MAP7: variants seen among roughly 807,000 people sequenced by gnomAD.
MAP7 encodes the protein ensconsin.
A neutral mutation model predicts 94.8 loss-of-function variants in MAP7; 52 were observed. The ratio of observed to expected loss-of-function variants is 0.55; its 90% confidence interval spans 0.44 to 0.69. MAP7 has a LOEUF of 0.69. Among genes scored for constraint, MAP7 ranks in the 30% least tolerant of loss-of-function variants. The pLI, the probability that MAP7 is intolerant of heterozygous loss-of-function variation, is 0.00. For synonymous variants in MAP7, 350 were observed against 357.0 expected, an observed-to-expected ratio of 0.98 and a Z score of 0.22; for missense variants, 940 against 964.6, an observed-to-expected ratio of 0.97 and a Z score of 0.34.
At chr6:136,362,824 A>G (rs1793237511) in intron 10 of MAP7, 122 bp from the exon 11 acceptor site, 1 of 1,425,548 alleles carries the variant, frequency 7.0e-7, no homozygotes, top group South Asian at 1.5e-5. Flanking sequence ...GGGAATGTTT[A>G]TTACTGTGTG....
chr6:136,526,193 C>T, intron 1 of MAP7: 1 of 1,253,058 alleles, frequency 8.0e-7, no homozygotes, highest in Non-Finnish European at 1.0e-6. Context: ...TCCCCACCTC[C>T]CCTACCAGCC....
At chr6:136,422,356 T>C (rs1562382660) in intron 1 of MAP7, among the ~76,000 whole-genome samples, 1 of 152,168 alleles carries the variant, frequency 6.6e-6, no homozygotes, top group African/African-American at 2.4e-5. Context: ...TAAGCCCTGA[T>C]AAATGCTTTT....
chr6:136,424,281 T>G (rs1351486669), intron 1 of MAP7, among the ~76,000 whole-genome samples: 1 of 150,922 alleles, frequency 6.6e-6, no homozygotes, highest in African/African-American at 2.4e-5. Context: ...TTAAAATGAC[T>G]AGGTGACTTT....
At chr6:136,378,717 T>C (rs1776928141) in intron 6 of MAP7, among the ~76,000 whole-genome samples, 1 of 152,230 alleles carries the variant, frequency 6.6e-6, no homozygotes, top group African/African-American at 2.4e-5. Flanking sequence ...AGTCAGGACA[T>C]GTATGCCAAT....
intron 1 of MAP7, among the ~76,000 whole-genome samples, chr6:136,450,163 G>T (rs1224113604): frequency 6.6e-6 from 1 of 152,116 alleles, no homozygotes; most frequent in African/African-American, 2.4e-5. Flanking sequence ...CAGCCTGGGT[G>T]ACAAGAGCAA....
intron 1 of MAP7, among the ~76,000 whole-genome samples, chr6:136,497,499 C>G (rs1228811944): frequency 1.3e-5 from 2 of 150,434 alleles, no homozygotes; most frequent in Non-Finnish European, 2.9e-5. Context: ...CATTTTTCCT[C>G]TACCCCATGT....
intron 11 of MAP7, 145 bp from the exon 12 acceptor site, chr6:136,361,324 G>T (rs1403183690): frequency 5.0e-6 from 4 of 803,376 alleles, no homozygotes; most frequent in Non-Finnish European, 8.0e-6. Flanking sequence ...ACTGCTAAGG[G>T]ACAAAGCGCG....
chr6:136,360,847 C>A (rs1419104705), intron 12 of MAP7, 49 bp from the exon 13 acceptor site: 5 of 1,600,522 alleles, frequency 3.1e-6, no homozygotes, highest in South Asian at 1.1e-5. Flanking sequence ...GCGGGCTGCC[C>A]GGGTCTCCCA....
chr6:136,375,146 T>C lies in MAP7; in HGVS notation c.752-2521A>G, dbSNP rs114765209. ...CAGGTCAAGTAGTTGAAATGTAGCA[T>C]AGCAAAAAGAAAAATGGCATAATAT... On this transcript the variant is annotated intron_variant, in intron 7 of 17. Coordinates refer to ENST00000354570, the MANE Select transcript of MAP7 (RefSeq NM_003980.6). 5.8e-3 allele frequency among the ~76,000 whole-genome samples: 883 copies of C among 152,278 alleles called. 11 individuals carry two copies. Among genetic ancestry groups the C allele is most frequent in the African/African-American group, 0.019 (788 of 41,550 alleles).
At chr6:136,526,511 C>G in intron 1 of MAP7, 13 of 985,694 alleles carry the variant, frequency 1.3e-5, no homozygotes, top group Non-Finnish European at 1.6e-5. Flanking sequence ...CTAACATATC[C>G]TAATCAAGAA....
At chr6:136,371,323 C>G (rs3778296) in intron 8 of MAP7, among the ~76,000 whole-genome samples, 127,463 of 152,146 alleles carry the variant, frequency 0.84, 53,491 homozygotes, top group Admixed American at 0.88. Flanking sequence ...TTGGGGCCAA[C>G]CTGTTCTGTT....
intron 1 of MAP7, among the ~76,000 whole-genome samples, chr6:136,504,693 A>AT (rs1188157546): frequency 1.3e-5 from 2 of 151,298 alleles, no homozygotes; most frequent in African/African-American, 4.9e-5. Flanking sequence ...CTTTAAAAAA[A>AT]TTTTTTAGAC....
chr6:136,484,148 T>TC (rs1290964959), intron 1 of MAP7, among the ~76,000 whole-genome samples: 1 of 152,132 alleles, frequency 6.6e-6, no homozygotes, highest in African/African-American at 2.4e-5. Flanking sequence ...CTCAAGTGAG[T>TC]CCAGCATTCC....
chr6:136,544,540 C>A (rs2129061584), intron 1 of MAP7, among the ~76,000 whole-genome samples: 1 of 152,274 alleles, frequency 6.6e-6, no homozygotes, highest in South Asian at 2.1e-4. Context: ...CTGTGCTTTT[C>A]CATCTGTCTG....
In MAP7 at chr6:136,420,132, C is replaced by T. The variant is rs1207232941; in HGVS notation, c.166+1569G>A. The T allele has an allele frequency of 4.4e-5, 39 of 877,952 alleles. No individual in the cohort carries two copies. In the South Asian group the frequency reaches 4.6e-4, roughly 10 times the overall value. 54.4% of individuals were successfully genotyped at this position (877,952 alleles called of 1,614,324 possible). A position where few individuals can be genotyped will look rare whatever the true frequency, so the allele number is the denominator to read the frequency against. ...ATGCTTTGGGAGCACAATCTTTAAT[C>T]AAAGAAGAAAGTATTTTTGGCACCA... On this transcript the variant is annotated intron_variant, in intron 2 of 17. Coordinates refer to ENST00000354570, the MANE Select transcript of MAP7 (RefSeq NM_003980.6).
chr6:136,395,488 C>T lies in MAP7; in HGVS notation c.245-5971G>A, dbSNP rs571998977. Among the ~76,000 whole-genome samples the T allele has an allele frequency of 9.7e-4, 137 of 141,904 alleles. 1 individual carries two copies. In the South Asian group the frequency reaches 0.028, roughly 29 times the overall value. 93.1% of individuals were successfully genotyped at this position (141,904 alleles called of 152,430 possible). A position where few individuals can be genotyped will look rare whatever the true frequency, so the allele number is the denominator to read the frequency against. On this transcript the variant is annotated intron_variant, in intron 3 of 17. Coordinates refer to ENST00000354570, the MANE Select transcript of MAP7 (RefSeq NM_003980.6). ...AATGCTTTGTCGAATAAATAGTTTG[C>T]ATATATTTTCTCCCATTCTATTCAC... is the stretch of plus-strand genomic sequence containing the variant.
At chr6:136,394,253 G>T (rs1781657761) in intron 3 of MAP7, among the ~76,000 whole-genome samples, 1 of 152,052 alleles carries the variant, frequency 6.6e-6, no homozygotes, top group Non-Finnish European at 1.5e-5. Context: ...AAAGTGCTAG[G>T]ATTACAGGCG....
At chr6:136,511,643 A>T (rs754741228) in intron 1 of MAP7, among the ~76,000 whole-genome samples, 5 of 152,238 alleles carry the variant, frequency 3.3e-5, no homozygotes, top group Non-Finnish European at 7.3e-5. Context: ...CAGCAGCTCC[A>T]GTTCACTTTC....
At chr6:136,441,398 T>C (rs1797830151) in intron 1 of MAP7, among the ~76,000 whole-genome samples, 1 of 152,206 alleles carries the variant, frequency 6.6e-6, no homozygotes, top group African/African-American at 2.4e-5. Flanking sequence ...CAGAAAATGT[T>C]CACGAAATCA....
Sources: gnomAD v4.1 joint callset for allele counts (sites outside exome capture counted in the v4.1 genomes callset) on GRCh38, gnomAD v4.1.1 for gene constraint, MANE v1.5 for transcripts, NCBI Gene and HGNC (gene_info 2026-07-23, HGNC 2026-07-21) for gene names.